MTMR7: variants seen among roughly 807,000 people sequenced by gnomAD.
MTMR7 encodes phosphatidylinositol-3-phosphate phosphatase MTMR7.
A neutral mutation model predicts 81.2 loss-of-function variants in MTMR7; 76 were observed. That is an observed-to-expected ratio of 0.94 (90% confidence interval 0.78 to 1.13). The LOEUF is 1.13. Among genes scored for constraint, MTMR7 ranks in the 50% most tolerant of loss-of-function variants. The pLI is 0.00. For synonymous variants in MTMR7, 372 were observed against 289.8 expected (o/e 1.28, Z -2.88); for missense variants, 1,044 against 820.0 (o/e 1.27, Z -3.34).
In MTMR7 at chr8:17,297,061, A is replaced by G. The variant is rs765741987; in HGVS notation, c.*2801T>C. On this transcript the variant is annotated 3_prime_UTR_variant, in exon 14 of 14. Transcript: ENST00000180173. ...GACCATTTTTTCTAATTTTATGGCT[A>G]TATATTTTCTTCATAAAAATTGGTC... 1.1e-4 allele frequency: 16 copies of G among 152,306 alleles called. No individual in the cohort carries two copies. Among genetic ancestry groups the G allele is most frequent in the South Asian group, 2.1e-4 (1 of 4,828 alleles). The allele number at this position is 152,306 out of a possible 1,614,324, so 9.4% of individuals were successfully genotyped here. A position where few individuals can be genotyped will look rare whatever the true frequency, so the allele number is the denominator to read the frequency against.
intron 3 of MTMR7, among the ~76,000 whole-genome samples, chr8:17,369,099 G>A (rs755676137): frequency 1.2e-4 from 19 of 152,020 alleles, no homozygotes; most frequent in South Asian, 4.1e-4. Context: ...CCATTAATCC[G>A]CTCAGAGCAC....
At chr8:17,386,912 A>C (rs1337902398) in intron 1 of MTMR7, among the ~76,000 whole-genome samples, 1 of 152,166 alleles carries the variant, frequency 6.6e-6, no homozygotes, top group Non-Finnish European at 1.5e-5. Flanking sequence ...ATGGGTGACC[A>C]AAGCCCAGCA....
At chr8:17,359,419 G>C (rs1444643795) in intron 4 of MTMR7, among the ~76,000 whole-genome samples, 2 of 151,856 alleles carry the variant, frequency 1.3e-5, no homozygotes, top group African/African-American at 2.4e-5. Flanking sequence ...GCAACATGGG[G>C]AGAACTTATT....
intron 7 of MTMR7, among the ~76,000 whole-genome samples, chr8:17,323,505 TG>T (rs1395931931): frequency 3.3e-5 from 5 of 151,966 alleles, no homozygotes; most frequent in African/African-American, 9.7e-5. Context: ...TGGGAAAAGA[TG>T]GGGTGTTGAG....
intron 7 of MTMR7, among the ~76,000 whole-genome samples, chr8:17,325,858 TG>T (rs1408910861): frequency 1.3e-5 from 2 of 152,210 alleles, no homozygotes; most frequent in Non-Finnish European, 2.9e-5. Flanking sequence ...AATACTTGCC[TG>T]GCTGACTGAA....
chr8:17,325,960 A>C (rs1818658671), intron 7 of MTMR7, among the ~76,000 whole-genome samples: 1 of 152,152 alleles, frequency 6.6e-6, no homozygotes, highest in South Asian at 2.1e-4. Flanking sequence ...CCCACCTTAC[A>C]CTGGAAAGCA....
chr8:17,339,477 C>T (rs998118005), intron 6 of MTMR7, among the ~76,000 whole-genome samples: 1 of 152,232 alleles, frequency 6.6e-6, no homozygotes, highest in Non-Finnish European at 1.5e-5. Context: ...CTTTCAATAG[C>T]TCTGAAATTG....
intron 5 of MTMR7, among the ~76,000 whole-genome samples, chr8:17,344,748 A>C (rs1183926570): frequency 6.6e-6 from 1 of 152,200 alleles, no homozygotes; most frequent in East Asian, 1.9e-4. Context: ...TATTAAAACT[A>C]CAGAGTGTGA....
intron 1 of MTMR7, among the ~76,000 whole-genome samples, chr8:17,404,567 A>G (rs1821523046): frequency 6.6e-6 from 1 of 150,692 alleles, no homozygotes; most frequent in Non-Finnish European, 1.5e-5. Context: ...AAACAAACAT[A>G]AATTGATGAG....
intron 1 of MTMR7, among the ~76,000 whole-genome samples, chr8:17,378,867 G>C (rs1275804912): frequency 6.6e-6 from 1 of 152,154 alleles, no homozygotes; most frequent in Non-Finnish European, 1.5e-5. Context: ...TCTTAGATTT[G>C]TTGAAATGTG....
At chr8:17,348,650 G>C (rs1819636028) in intron 5 of MTMR7, among the ~76,000 whole-genome samples, 1 of 151,822 alleles carries the variant, frequency 6.6e-6, no homozygotes, top group Non-Finnish European at 1.5e-5. Flanking sequence ...CACTGAATAA[G>C]CAAAGAGATT....
chr8:17,363,799 G>T (rs538878778), intron 3 of MTMR7, among the ~76,000 whole-genome samples: 12 of 151,802 alleles, frequency 7.9e-5, no homozygotes, highest in Non-Finnish European at 1.6e-4. Context: ...TAGCACAGAT[G>T]AAAGTTTTAC....
rs747312711 is a variant in MTMR7 at position 17,299,996 on chromosome 8, G to T, written c.1849C>A (p.Leu617Met). 2.9e-5 allele frequency: 46 copies of T among 1,614,016 alleles called. No homozygotes were observed. In the East Asian group the frequency reaches 4.7e-4, roughly 16 times the overall value. The stretch of plus-strand genomic sequence containing the variant: ...GACTCTTGGTCACTGTTGGCTGACA[G>T]ATCTGGATCTGAACTTTTCAGATTG... Reference protein sequence around the residue: ...QDNLKSSDPDLSANSDQESGV... With the variant: ...QDNLKSSDPDMSANSDQESGV... Residue 617 changes from leucine (L) to methionine (M), a missense_variant, in exon 14 of 14, where the codon CTG becomes ATG. Coordinates refer to ENST00000180173, the MANE Select transcript of MTMR7 (RefSeq NM_004686.5).
chr8:17,388,608 G>C (rs1393675715), intron 1 of MTMR7, among the ~76,000 whole-genome samples: 1 of 152,170 alleles, frequency 6.6e-6, no homozygotes, highest in Non-Finnish European at 1.5e-5. Flanking sequence ...TTTTGACAAA[G>C]GCACTAACAG....
Position 17,348,383 on chromosome 8 carries a change from C to CAA in MTMR7, c.597+568_597+569dup, listed in dbSNP as rs541527347. Among the ~76,000 whole-genome samples the CAA allele has an allele frequency of 2.9e-4, 41 of 141,714 alleles. 1 individual carries two copies. Among genetic ancestry groups the CAA allele is most frequent in the African/African-American group, 1.1e-3 (40 of 37,780 alleles). The allele number at this position is 141,714 out of a possible 152,430, so 93.0% of individuals were successfully genotyped here. ...TGAAACCCCTTCTTTACTAAAAATA[C>CAA]AAAAAAAAAACCCAAAATTAGCTGG... On this transcript the variant is annotated intron_variant, in intron 5 of 13. Transcript: ENST00000180173.
intron 1 of MTMR7, among the ~76,000 whole-genome samples, chr8:17,388,537 G>A (rs923532505): frequency 6.6e-6 from 1 of 152,186 alleles, no homozygotes; most frequent in African/African-American, 2.4e-5. Flanking sequence ...AGGCTCATTT[G>A]ATTATGATTT....
intron 1 of MTMR7, among the ~76,000 whole-genome samples, chr8:17,396,895 A>G (rs1222314531): frequency 6.6e-6 from 1 of 151,932 alleles, no homozygotes; most frequent in Admixed American, 6.6e-5. Flanking sequence ...CAAAAGGATC[A>G]GATACCAGGC....
intron 3 of MTMR7, among the ~76,000 whole-genome samples, chr8:17,363,741 G>A (rs1054695623): frequency 6.6e-6 from 1 of 152,058 alleles, no homozygotes; most frequent in African/African-American, 2.4e-5. Context: ...GGCAAGCCCA[G>A]ATACAGCCTG....
chr8:17,377,756 T>C (rs1437299138), intron 1 of MTMR7, among the ~76,000 whole-genome samples: 1 of 152,152 alleles, frequency 6.6e-6, no homozygotes, highest in African/African-American at 2.4e-5. Flanking sequence ...TGGTCTATAA[T>C]TGCACTTTTT....
Sources: gnomAD v4.1 joint callset for allele counts (sites outside exome capture counted in the v4.1 genomes callset) on GRCh38, gnomAD v4.1.1 for gene constraint, MANE v1.5 for transcripts, NCBI Gene and HGNC (gene_info 2026-07-23, HGNC 2026-07-21) for gene names.